ZNF273: variants seen among roughly 807,000 people sequenced by gnomAD.
ZNF273 encodes the protein zinc finger protein 9.
A neutral mutation model predicts 14.9 loss-of-function variants in ZNF273; 11 were observed. The observed-to-expected ratio is 0.74, with a 90% CI of 0.46 to 1.22. The LOEUF (loss-of-function observed/expected upper bound fraction) is 1.22. Ranked by LOEUF, ZNF273 falls within the 50% of genes most tolerant of loss-of-function variation. The probability of loss-of-function intolerance (pLI) is 0.00; values close to 1 mark genes in which losing one functional copy is unlikely to be tolerated. For synonymous variants in ZNF273, 199 were observed against 223.9 expected (o/e 0.89, Z 0.99); for missense variants, 577 against 660.6 (o/e 0.87, Z 1.39).
intron 1 of ZNF273, among the ~76,000 whole-genome samples, chr7:64,912,239 G>A (rs58676599): frequency 0.083 from 12,679 of 152,244 alleles, 673 homozygotes; most frequent in South Asian, 0.18. Flanking sequence ...GATTACAGGC[G>A]TGAGCCACCA....
intron 1 of ZNF273, among the ~76,000 whole-genome samples, chr7:64,913,148 A>T (rs766790945): frequency 7.9e-5 from 12 of 152,152 alleles, no homozygotes; most frequent in Non-Finnish European, 1.5e-4. Flanking sequence ...CTTATTTTCT[A>T]TTCTTGCAGA....
intron 2 of ZNF273, among the ~76,000 whole-genome samples, chr7:64,879,250 T>C (rs945172242): frequency 2.0e-5 from 3 of 152,150 alleles, no homozygotes; most frequent in East Asian, 1.9e-4. Flanking sequence ...GCAGGCCAGA[T>C]TGTGGGTAGT....
chr7:64,920,853 T>C (rs1258364850), intron 3 of ZNF273, among the ~76,000 whole-genome samples: 1 of 152,128 alleles, frequency 6.6e-6, no homozygotes, highest in Admixed American at 6.5e-5. Context: ...TAAAGTACCA[T>C]GTAGCTGTCC....
chr7:64,927,751 T>C lies in ZNF273; in HGVS notation c.423T>C (p.His141=), dbSNP rs955432329. 6.2e-7 allele frequency: 1 copy of C among 1,613,446 alleles called. No individual in the cohort carries two copies. The highest frequency in any genetic ancestry group is 8.5e-7 in the Non-Finnish European group (1 of 1,179,864). ...TGAGAAGATATGGAAAATATGGACA[T>C]GAGAATTTACAATTAAGAAAAGGCT... The part of the protein sequence containing the change: ...VILRRYGKYG[H]ENLQLRKGCK... Residue 141 remains histidine, a synonymous_variant, in exon 4 of 4, where the codon CAT becomes CAC. Transcript: ENST00000476120.
chr7:64,932,137 A>G (rs1211377950), downstream of ZNF273, among the ~76,000 whole-genome samples: 1 of 151,954 alleles, frequency 6.6e-6, no homozygotes, highest in African/African-American at 2.4e-5. Context: ...TTGCTTACCA[A>G]TATAACTGTC....
intron 1 of ZNF273, among the ~76,000 whole-genome samples, chr7:64,915,596 G>A (rs975528953): frequency 6.6e-6 from 1 of 152,202 alleles, no homozygotes; most frequent in African/African-American, 2.4e-5. Flanking sequence ...GCCTTTAAGC[G>A]GTTTTCCGCC....
intron 4 of ZNF273, chr7:64,898,150 T>G (rs1325661160): frequency 6.6e-6 from 1 of 152,246 alleles, no homozygotes; most frequent in Admixed American, 6.5e-5. Flanking sequence ...GTCAATAGAA[T>G]AACATTATTA....
chr7:64,878,715 G>T (rs1451100572), intron 2 of ZNF273, among the ~76,000 whole-genome samples: 1 of 152,214 alleles, frequency 6.6e-6, no homozygotes, highest in Non-Finnish European at 1.5e-5. Flanking sequence ...TCTTCCTTTG[G>T]ACTTTCATTC....
At chr7:64,883,025 T>A (rs1310326683), downstream of ZNF273, among the ~76,000 whole-genome samples, 4 of 152,166 alleles carry the variant, frequency 2.6e-5, no homozygotes, top group Non-Finnish European at 5.9e-5. Context: ...GAAGGCGGCG[T>A]CCGCTGAAAG....
chr7:64,917,855 T>A (rs562295144), intron 2 of ZNF273, 148 bp downstream of exon 2: 2 of 911,812 alleles, frequency 2.2e-6, no homozygotes, highest in South Asian at 3.6e-5. Context: ...ATGAATTTCT[T>A]CAAGATGTTT....
At chr7:64,901,028 A>G (rs1261574236), upstream of ZNF273, among the ~76,000 whole-genome samples, 5 of 149,016 alleles carry the variant, frequency 3.4e-5, no homozygotes, top group Non-Finnish European at 5.9e-5. Context: ...TTGTAGAGAG[A>G]GTCTTGCTCT....
downstream of ZNF273, among the ~76,000 whole-genome samples, chr7:64,892,061 AC>A (rs1792069901): frequency 6.6e-6 from 1 of 152,076 alleles, no homozygotes; most frequent in African/African-American, 2.4e-5. Flanking sequence ...AGGTGTCCAC[AC>A]CTCTGTGGCC....
chr7:64,915,921 C>CATG (rs1219280786), intron 1 of ZNF273, among the ~76,000 whole-genome samples: 18 of 151,942 alleles, frequency 1.2e-4, no homozygotes, highest in African/African-American at 4.4e-4. Flanking sequence ...GATGGCCAGG[C>CATG]ATGATGGTTC....
At chr7:64,893,767 G>A (rs1169744997), downstream of ZNF273, 1 of 149,792 alleles carries the variant, frequency 6.7e-6, no homozygotes, top group Non-Finnish European at 1.5e-5. Flanking sequence ...GAGGACAGCA[G>A]CGTACATGGT....
At chr7:64,933,079 C>T (rs1363792620), downstream of ZNF273, among the ~76,000 whole-genome samples, 1 of 152,190 alleles carries the variant, frequency 6.6e-6, no homozygotes, top group African/African-American at 2.4e-5. Context: ...TCAAGCTGTT[C>T]TCCTGCCTCA....
At chr7:64,894,097 CG>C (rs1467919982), downstream of ZNF273, among the ~76,000 whole-genome samples, 1 of 152,112 alleles carries the variant, frequency 6.6e-6, no homozygotes, top group African/African-American at 2.4e-5. Context: ...CTCCGTCTCC[CG>C]GGTTCAATTA....
chr7:64,886,714 A>G (rs1791603103), intron 1 of ZNF273, among the ~76,000 whole-genome samples: 1 of 152,240 alleles, frequency 6.6e-6, no homozygotes, highest in Non-Finnish European at 1.5e-5. Context: ...AAAGCCAGGT[A>G]CAGTGGAGTT....
upstream of ZNF273, among the ~76,000 whole-genome samples, chr7:64,900,283 T>G (rs1449311825): frequency 6.6e-6 from 1 of 152,084 alleles, no homozygotes; most frequent in Non-Finnish European, 1.5e-5. Flanking sequence ...TGTGCCACCA[T>G]GCCGGGCAAT....
At chr7:64,909,794 G>A (rs532332701) in intron 1 of ZNF273, among the ~76,000 whole-genome samples, 1 of 151,776 alleles carries the variant, frequency 6.6e-6, no homozygotes, top group East Asian at 1.9e-4. Context: ...CCCACTAACA[G>A]TGTATAAGTA....
Sources: gnomAD v4.1 joint callset for allele counts (sites outside exome capture counted in the v4.1 genomes callset) on GRCh38, gnomAD v4.1.1 for gene constraint, MANE v1.5 for transcripts, NCBI Gene and HGNC (gene_info 2026-07-23, HGNC 2026-07-21) for gene names.